The following FHIT variants were observed in gnomAD, a reference collection of about 807,000 sequenced individuals.
FHIT encodes bis(5'-adenosyl)-triphosphatase.
In FHIT, 19 loss-of-function variants were observed where a neutral mutation model predicts 17.9. The ratio of observed to expected loss-of-function variants is 1.06; its 90% CI spans 0.74 to 1.56. FHIT has a LOEUF of 1.56. FHIT is among the 40% of genes most tolerant of loss of function. The pLI is 0.00. For missense variants in FHIT, 248 were observed against 189.2 expected (o/e 1.31, Z -1.82); for synonymous variants, 81 against 69.7 (o/e 1.16, Z -0.81).
intron 3 of FHIT, among the ~76,000 whole-genome samples, chr3:61,022,874 C>G (rs1193615354): frequency 6.6e-6 from 1 of 152,116 alleles, no homozygotes; most frequent in African/African-American, 2.4e-5. Flanking sequence ...TATGACAAAC[C>G]TACAGCCAAT....
chr3:60,231,918 C>A (rs6806748), intron 5 of FHIT, among the ~76,000 whole-genome samples: 63,890 of 151,880 alleles, frequency 0.42, 13,861 homozygotes, highest in African/African-American at 0.51. Context: ...AAGGCCTTAA[C>A]CATAGGGCTG....
chr3:60,160,136 GT>G (rs1700876769), intron 5 of FHIT, among the ~76,000 whole-genome samples: 1 of 142,602 alleles, frequency 7.0e-6, no homozygotes, highest in Non-Finnish European at 1.6e-5. Flanking sequence ...GTGTGTGTGT[GT>G]GTGTGTCTGT....
intron 5 of FHIT, among the ~76,000 whole-genome samples, chr3:60,219,182 T>C (rs1350336761): frequency 1.3e-5 from 2 of 152,136 alleles, no homozygotes; most frequent in Non-Finnish European, 2.9e-5. Context: ...TTTTGGGTTT[T>C]CATTGCTCCT....
chr3:60,090,993 C>T (rs758637066), intron 5 of FHIT, among the ~76,000 whole-genome samples: 8 of 152,190 alleles, frequency 5.3e-5, no homozygotes, highest in Non-Finnish European at 7.3e-5. Context: ...GACCGATTAA[C>T]CACAATGTTC....
At chr3:60,100,337 T>C (rs548259364) in intron 5 of FHIT, among the ~76,000 whole-genome samples, 1 of 152,142 alleles carries the variant, frequency 6.6e-6, no homozygotes, top group African/African-American at 2.4e-5. Context: ...TGAGCTGAGA[T>C]TGTGCCACTG....
At chr3:60,868,502 C>T (rs1287373299) in intron 3 of FHIT, among the ~76,000 whole-genome samples, 2 of 152,094 alleles carry the variant, frequency 1.3e-5, no homozygotes, top group African/African-American at 4.8e-5. Flanking sequence ...CATTTTGAAA[C>T]AACCAATAAG....
intron 2 of FHIT, among the ~76,000 whole-genome samples, chr3:61,145,817 G>A (rs2037210991): frequency 6.6e-6 from 1 of 151,894 alleles, no homozygotes; most frequent in Admixed American, 6.6e-5. Flanking sequence ...ACTGTTCATT[G>A]CTAGTATATA....
intron 1 of FHIT, among the ~76,000 whole-genome samples, chr3:61,224,289 G>T (rs2039910900): frequency 6.6e-6 from 1 of 152,194 alleles, no homozygotes; most frequent in Admixed American, 6.5e-5. Flanking sequence ...CTTCTTTGGA[G>T]TAGGGATTTG....
At chr3:61,183,715 A>C (rs1472980212) in intron 2 of FHIT, among the ~76,000 whole-genome samples, 1 of 152,228 alleles carries the variant, frequency 6.6e-6, no homozygotes, top group Non-Finnish European at 1.5e-5. Flanking sequence ...GGACCAGATC[A>C]CAATGCCATG....
chr3:60,063,750 T>C (rs1477423940), intron 5 of FHIT, among the ~76,000 whole-genome samples: 4 of 152,176 alleles, frequency 2.6e-5, no homozygotes, highest in Non-Finnish European at 4.4e-5. Context: ...ACAGATATAC[T>C]TCCAAATAGT....
chr3:60,011,528 G>T, intron 6 of FHIT, 128 bp from the exon 7 acceptor site: 2 of 805,456 alleles, frequency 2.5e-6, no homozygotes, highest in South Asian at 3.1e-5. Context: ...TTCTCATGGG[G>T]ACCATTGGCT....
chr3:60,637,340 T>C (rs550582752), intron 4 of FHIT, among the ~76,000 whole-genome samples: 1 of 152,308 alleles, frequency 6.6e-6, no homozygotes. Flanking sequence ...CCAGTTTGTC[T>C]TTCATTTCTC....
intron 5 of FHIT, among the ~76,000 whole-genome samples, chr3:60,364,647 TTGAC>T (rs1356157288): frequency 6.6e-6 from 1 of 152,202 alleles, no homozygotes; most frequent in Non-Finnish European, 1.5e-5. Context: ...ATGTGCCAAT[TTGAC>T]TGAGCTAAGA....
chr3:60,438,297 T>C (rs1338821832), intron 5 of FHIT, among the ~76,000 whole-genome samples: 1 of 152,052 alleles, frequency 6.6e-6, no homozygotes, highest in Admixed American at 6.6e-5. Context: ...TAATGAGACA[T>C]GTGGCACATG....
chr3:60,177,221 G>GT (rs1701716868), intron 5 of FHIT, among the ~76,000 whole-genome samples: 1 of 151,522 alleles, frequency 6.6e-6, no homozygotes, highest in Non-Finnish European at 1.5e-5. Flanking sequence ...TAATAAGGAG[G>GT]GGAAGGAGAG....
rs546847928 is a variant in FHIT at position 60,563,939 on chromosome 3, T to C, written c.-17-26960A>G. Among the ~76,000 whole-genome samples the C allele has an allele frequency of 4.6e-5, 7 of 152,276 alleles. No homozygotes were observed. In the East Asian group the frequency reaches 5.8e-4, roughly 13 times the overall value. On this transcript the variant is annotated intron_variant, in intron 4 of 9. Transcript: ENST00000492590. The stretch of plus-strand genomic sequence containing the variant: ...CAATGAAGTTGACCATATTAAACAA[T>C]AGATTTTCGATAGTGACAAAACAGC...
intron 2 of FHIT, among the ~76,000 whole-genome samples, chr3:61,115,938 C>T (rs1382831060): frequency 6.6e-6 from 1 of 152,148 alleles, no homozygotes; most frequent in African/African-American, 2.4e-5. Flanking sequence ...GAACCTCAAA[C>T]CAACTTGCAG....
intron 5 of FHIT, among the ~76,000 whole-genome samples, chr3:60,437,482 C>G (rs1297784103): frequency 6.6e-6 from 1 of 152,080 alleles, no homozygotes; most frequent in African/African-American, 2.4e-5. Context: ...CTGCTCTATG[C>G]CCGCCATGAC....
intron 3 of FHIT, among the ~76,000 whole-genome samples, chr3:61,022,046 C>T (rs750908569): frequency 1.6e-4 from 25 of 152,048 alleles, no homozygotes; most frequent in Non-Finnish European, 3.2e-4. Context: ...AAAAAATCAA[C>T]GAATCCAGTA....
Sources: allele counts gnomAD v4.1 joint callset (sites outside exome capture counted in the v4.1 genomes callset), GRCh38; gene constraint gnomAD v4.1.1; transcripts MANE v1.5; gene names NCBI Gene and HGNC (gene_info 2026-07-23, HGNC 2026-07-21).